Variants in RAPH1 observed in about 807,000 individuals in gnomAD.
RAPH1 encodes Ras association (RalGDS/AF-6) and pleckstrin homology domains 1.
RAPH1 carries 18 observed loss-of-function variants against 88.1 expected under a neutral mutation model. The observed-to-expected ratio is 0.20, with a 90% CI of 0.14 to 0.30. The LOEUF (loss-of-function observed/expected upper bound fraction) is 0.30, where lower values mean the gene tolerates loss of function less well. Among genes scored for constraint, RAPH1 ranks in the 10% least tolerant of loss-of-function variants. The pLI is 1.00. For missense variants in RAPH1, 1,448 were observed against 1,543.2 expected, an observed-to-expected ratio of 0.94 and a Z score of 1.03; for synonymous variants, 587 against 559.0, an observed-to-expected ratio of 1.05 and a Z score of -0.71.
rs1489865051 is a variant in RAPH1 at position 203,436,577 on chromosome 2, T to C, written c.*2860A>G. On this transcript the variant is annotated 3_prime_UTR_variant, in exon 14 of 14. Transcript: ENST00000319170. ...AATTATCCATAGTAGAAATTAGGAG[T>C]GTCACTAATTAAGCAAGTCACTACC... is the stretch of plus-strand genomic sequence containing the variant. 1 of 151,998 alleles carries C rather than the reference T, an allele frequency of 6.6e-6. No individual in the cohort carries two copies. Among genetic ancestry groups the C allele is most frequent in the Non-Finnish European group, 1.5e-5 (1 of 68,000 alleles). 9.4% of individuals were successfully genotyped at this position (151,998 alleles called of 1,614,324 possible).
intron 4 of RAPH1, among the ~76,000 whole-genome samples, chr2:203,479,507 C>G (rs1387549126): frequency 1.3e-5 from 2 of 151,482 alleles, no homozygotes; most frequent in East Asian, 3.9e-4. Flanking sequence ...ACTCCGGAAG[C>G]TGAGGCAGAA....
chr2:203,505,173 A>G (rs1688926872), intron 1 of RAPH1, among the ~76,000 whole-genome samples: 2 of 152,100 alleles, frequency 1.3e-5, no homozygotes, highest in Admixed American at 6.6e-5. Context: ...ACTGGTACCA[A>G]TTTACTGCAT....
At chr2:203,473,573 G>GA (rs1259762574) in intron 4 of RAPH1, among the ~76,000 whole-genome samples, 2 of 151,996 alleles carry the variant, frequency 1.3e-5, no homozygotes, top group Non-Finnish European at 1.5e-5. Context: ...GATTACAGGG[G>GA]AAAAAAATCA....
chr2:203,470,194 C>T lies in RAPH1; in HGVS notation c.733-8269G>A, dbSNP rs763160773. 12 of 1,250,108 alleles carry T rather than the reference C, an allele frequency of 9.6e-6. No homozygotes were observed. In the East Asian group the frequency reaches 1.4e-4, roughly 15 times the overall value. 77.4% of individuals were successfully genotyped at this position (1,250,108 alleles called of 1,614,324 possible). On this transcript the variant is annotated intron_variant, in intron 4 of 13. Transcript: ENST00000319170. ...GATCAAAAACAGAAATCATATTCTA[C>T]CTACAAGGCAGTAAATAGTTACATG...
chr2:203,485,624 A>T (rs1687932981), intron 4 of RAPH1, among the ~76,000 whole-genome samples: 1 of 152,158 alleles, frequency 6.6e-6, no homozygotes, highest in Non-Finnish European at 1.5e-5. Flanking sequence ...CAGGAGAAGG[A>T]AAACCCAAGG....
At chr2:203,496,314 T>C (rs1344787747) in intron 1 of RAPH1, among the ~76,000 whole-genome samples, 207 of 152,234 alleles carry the variant, frequency 1.4e-3, no homozygotes, top group Non-Finnish European at 9.0e-4. Context: ...GCCGAGAACA[T>C]GCCACTGCAC....
rs2098497922 is a variant in RAPH1 at position 203,435,642 on chromosome 2, T to G, written c.*3795A>C. The G allele has an allele frequency of 6.6e-6, 1 of 152,192 alleles. No homozygotes were observed. Among genetic ancestry groups the G allele is most frequent in the Admixed American group, 6.5e-5 (1 of 15,278 alleles). 9.4% of individuals were successfully genotyped at this position (152,192 alleles called of 1,614,324 possible). ...TTTTATGAAAAGCAAGGCATCACATTGATAACCATACAGGATCCTATGGGT... is the reference window on the plus strand; with the variant it reads ...TTTTATGAAAAGCAAGGCATCACATGGATAACCATACAGGATCCTATGGGT... On this transcript the variant is annotated 3_prime_UTR_variant, in exon 14 of 14. Coordinates refer to ENST00000319170, the MANE Select transcript of RAPH1 (RefSeq NM_213589.3).
chr2:203,461,547 A>T (rs2098524242), intron 5 of RAPH1, 139 bp from the exon 6 acceptor site: 2 of 591,200 alleles, frequency 3.4e-6, no homozygotes, highest in East Asian at 6.2e-5. Context: ...ATTATGCAAA[A>T]ATATAGGCTA....
chr2:203,458,889 A>C (rs1375903561), intron 7 of RAPH1, among the ~76,000 whole-genome samples: 1 of 152,020 alleles, frequency 6.6e-6, no homozygotes, highest in Non-Finnish European at 1.5e-5. Context: ...CAGCCTCCCA[A>C]GTAGCTGGGA....
At chr2:203,484,953 TA>T (rs1368699273) in intron 4 of RAPH1, among the ~76,000 whole-genome samples, 4 of 152,064 alleles carry the variant, frequency 2.6e-5, no homozygotes, top group African/African-American at 7.2e-5. Context: ...GGCCCATAAA[TA>T]GCTCATTGTA....
chr2:203,460,411 C>G (rs959501705), intron 6 of RAPH1, among the ~76,000 whole-genome samples: 10 of 152,110 alleles, frequency 6.6e-5, no homozygotes, highest in Admixed American at 6.6e-5. Flanking sequence ...AAGATGATTT[C>G]TTCTTTGATC....
chr2:203,493,657 GA>G (rs1289824438), intron 2 of RAPH1, among the ~76,000 whole-genome samples: 2 of 152,126 alleles, frequency 1.3e-5, no homozygotes, highest in African/African-American at 2.4e-5. Flanking sequence ...TGATACCTAT[GA>G]AATCCTAGTA....
chr2:203,529,751 C>G (rs762027770), intron 1 of RAPH1, among the ~76,000 whole-genome samples: 1 of 152,218 alleles, frequency 6.6e-6, no homozygotes, highest in Non-Finnish European at 1.5e-5. Flanking sequence ...TTTTTGCTAG[C>G]TATCACCATT....
chr2:203,445,128 G>C (rs1447944756), intron 12 of RAPH1, 118 bp from the exon 13 acceptor site: 1 of 760,126 alleles, frequency 1.3e-6, no homozygotes, highest in Non-Finnish European at 2.0e-6. Flanking sequence ...ACAGCACCAA[G>C]TTATTTTACT....
chr2:203,489,994 T>C lies in RAPH1; in HGVS notation c.322A>G (p.Ser108Gly), dbSNP rs1688182807. 6.2e-7 allele frequency: 1 copy of C among 1,614,142 alleles called. No homozygotes were observed. The highest frequency in any genetic ancestry group is 8.5e-7 in the Non-Finnish European group (1 of 1,180,058). The change falls in exon 4 of 14, where the codon AGT (serine) becomes GGT (glycine). Residue 108 changes from serine (S) to glycine (G), a missense_variant. Physicochemically the swap from Ser to Gly is moderately conservative, Grantham distance 56. Coordinates refer to ENST00000319170, the MANE Select transcript of RAPH1 (RefSeq NM_213589.3). ...QELSSIGSGN[S>G]KRQITETKAT... ...TTCGTTTCTGTGATTTGACGCTTACTGTTTCCTGAACCAATGCTGCTGAGC... is the reference window on the plus strand; with the variant it reads ...TTCGTTTCTGTGATTTGACGCTTACCGTTTCCTGAACCAATGCTGCTGAGC...
At chr2:203,513,026 A>G (rs780089723) in intron 1 of RAPH1, among the ~76,000 whole-genome samples, 2 of 152,200 alleles carry the variant, frequency 1.3e-5, no homozygotes, top group African/African-American at 2.4e-5. Flanking sequence ...ACAGACTTTC[A>G]TTATCTTACA....
chr2:203,459,741 T>TCAGCAGCAG (rs974035155), intron 7 of RAPH1, among the ~76,000 whole-genome samples, 166 bp downstream of exon 7: 2 of 151,936 alleles, frequency 1.3e-5, no homozygotes, highest in Non-Finnish European at 2.9e-5. Flanking sequence ...ACTTTCCACC[T>TCAGCAGCAG]CAGCAGCAGC....
At chr2:203,489,025 C>A (rs1176153460) in intron 4 of RAPH1, among the ~76,000 whole-genome samples, 1 of 151,854 alleles carries the variant, frequency 6.6e-6, no homozygotes, top group Non-Finnish European at 1.5e-5. Context: ...ACTTGGGAGT[C>A]TGAGGCAGGA....
At chr2:203,477,187 A>G in intron 4 of RAPH1, 1 of 1,552,234 alleles carries the variant, frequency 6.4e-7, no homozygotes, top group Non-Finnish European at 8.9e-7. Flanking sequence ...AGAAAATGAT[A>G]GGTAAAGGAG....
Sources: allele counts gnomAD v4.1 joint callset (sites outside exome capture counted in the v4.1 genomes callset), GRCh38; gene constraint gnomAD v4.1.1; transcripts MANE v1.5; gene names NCBI Gene and HGNC (gene_info 2026-07-23, HGNC 2026-07-21).